UNC5D: variants seen among roughly 807,000 people sequenced by gnomAD.
The protein encoded by UNC5D is netrin receptor UNC5D.
Under a neutral mutation model 105.4 loss-of-function variants are expected in UNC5D, and 39 were observed. The ratio of observed to expected loss-of-function variants is 0.37; its 90% CI spans 0.29 to 0.48. The LOEUF is 0.48. Ranked by LOEUF, UNC5D falls within the 20% of genes least tolerant of loss-of-function variation. UNC5D has a pLI of 0.98. For synonymous variants in UNC5D, 452 were observed against 450.4 expected (o/e 1.00, Z -0.04); for missense variants, 991 against 1,202.4 (o/e 0.82, Z 2.60).
At position 35,701,595 on chromosome 8, in the gene UNC5D, T is replaced by A. The variant is rs1249810508; in HGVS notation, c.1085-4334T>A. Among the ~76,000 whole-genome samples, 4 of 152,214 alleles carry A rather than the reference T, an allele frequency of 2.6e-5. No individual in the cohort carries two copies. In the East Asian group the frequency reaches 7.7e-4, roughly 29 times the overall value. ...AAAAGAAATGAATCATCACCAAAAA[T>A]AAAAGGTAGATTGTTCTCTTTCTCC... On this transcript the variant is annotated intron_variant, in intron 7 of 16. Transcript: ENST00000404895.
At chr8:35,313,864 A>G (rs1809081900) in intron 1 of UNC5D, among the ~76,000 whole-genome samples, 1 of 152,216 alleles carries the variant, frequency 6.6e-6, no homozygotes. Flanking sequence ...TGTGTGACAC[A>G]TGGTAAGTGC....
At position 35,549,501 on chromosome 8, in the gene UNC5D, G is replaced by A. The variant is rs777805217; in HGVS notation, c.313G>A (p.Glu105Lys). 9 of 1,611,616 alleles carry A rather than the reference G, an allele frequency of 5.6e-6. No individual in the cohort carries two copies. The highest frequency in any genetic ancestry group is 4.5e-5 in the East Asian group (2 of 44,876). The change falls in exon 2 of 17, where the codon GAG becomes AAG. Residue 105 changes from glutamate to lysine, a missense_variant. This residue lies in a region of UNC5D where 944 missense variants were observed against 1,131.6 expected (regional missense o/e 0.83). Coordinates refer to ENST00000404895, the MANE Select transcript of UNC5D (RefSeq NM_080872.4). Reference protein sequence around the residue: ...NEHVSEETLDESSGLKVREVF... With the variant: ...NEHVSEETLDKSSGLKVREVF... ...GCACGTCTCTGAAGAGACTCTGGACGAGAGCTCAGGTAGGAGCGTGCAGCA... is the reference window on the plus strand; with the variant it reads ...GCACGTCTCTGAAGAGACTCTGGACAAGAGCTCAGGTAGGAGCGTGCAGCA...
chr8:35,496,474 A>AT (rs1350977009), intron 1 of UNC5D, among the ~76,000 whole-genome samples: 2 of 152,198 alleles, frequency 1.3e-5, no homozygotes, highest in African/African-American at 4.8e-5. Context: ...GCTAATTTAC[A>AT]TTAAAGTGGA....
At chr8:35,350,258 G>T (rs968778853) in intron 1 of UNC5D, among the ~76,000 whole-genome samples, 4 of 151,766 alleles carry the variant, frequency 2.6e-5, no homozygotes, top group Admixed American at 2.6e-4. Flanking sequence ...ACTTAAGCAT[G>T]GATAAACAAA....
chr8:35,393,967 TC>T (rs2128943545), intron 1 of UNC5D, among the ~76,000 whole-genome samples: 1 of 152,298 alleles, frequency 6.6e-6, no homozygotes, highest in East Asian at 1.9e-4. Flanking sequence ...TTCTTCCCTT[TC>T]TTCTCCTTCT....
At chr8:35,724,085 G>A (rs1037117156) in intron 9 of UNC5D, 16 of 1,355,186 alleles carry the variant, frequency 1.2e-5, no homozygotes, top group Middle Eastern at 2.8e-4. Flanking sequence ...AGCGTGTTCC[G>A]TGGAGCACCA....
At chr8:35,785,171 C>A (rs117101760) in intron 16 of UNC5D, among the ~76,000 whole-genome samples, 1 of 151,982 alleles carries the variant, frequency 6.6e-6, no homozygotes, top group Non-Finnish European at 1.5e-5. Flanking sequence ...ATTTACCTGC[C>A]GGTGCCCAAA....
Position 35,658,859 on chromosome 8 carries a change from G to A in UNC5D, c.571-24688G>A, listed in dbSNP as rs564686063. ...TTTAGTAGAGACGGGGTTTCACCGT[G>A]TTAGCCAGGATGGTCTTCATCTCCT... On this transcript the variant is annotated intron_variant, in intron 4 of 16. Transcript: ENST00000404895. Among the ~76,000 whole-genome samples the A allele has an allele frequency of 9.7e-4, 148 of 152,218 alleles. 2 individuals are homozygous for A. Among genetic ancestry groups the A allele is most frequent in the South Asian group, 3.1e-3 (15 of 4,822 alleles).
intron 1 of UNC5D, among the ~76,000 whole-genome samples, chr8:35,329,821 TTTG>T (rs1421385476): frequency 6.6e-6 from 1 of 152,156 alleles, no homozygotes; most frequent in Non-Finnish European, 1.5e-5. Context: ...TCTATTATTA[TTTG>T]TTGTTTCTCT....
chr8:35,410,829 G>C (rs935800486), intron 1 of UNC5D, among the ~76,000 whole-genome samples: 2 of 152,048 alleles, frequency 1.3e-5, no homozygotes, highest in Non-Finnish European at 2.9e-5. Flanking sequence ...TTAGGACAAA[G>C]CTCCAAATGA....
At chr8:35,299,843 A>G (rs1216062868) in intron 1 of UNC5D, among the ~76,000 whole-genome samples, 1 of 152,214 alleles carries the variant, frequency 6.6e-6, no homozygotes, top group African/African-American at 2.4e-5. Flanking sequence ...CAACTGTAAA[A>G]TAGAGTGAGG....
chr8:35,249,231 T>A (rs1803512246), intron 1 of UNC5D, among the ~76,000 whole-genome samples: 1 of 147,628 alleles, frequency 6.8e-6, no homozygotes, highest in Non-Finnish European at 1.5e-5. Flanking sequence ...AGCCATAAAT[T>A]TACATCCAAA....
chr8:35,774,179 C>T, intron 15 of UNC5D, 120 bp from the exon 16 acceptor site: 1 of 1,050,754 alleles, frequency 9.5e-7, no homozygotes, highest in Middle Eastern at 2.3e-4. Flanking sequence ...TTATAGAGTC[C>T]ATCACAACAG....
intron 4 of UNC5D, among the ~76,000 whole-genome samples, chr8:35,638,659 A>T (rs1822529126): frequency 6.6e-6 from 1 of 152,064 alleles, no homozygotes; most frequent in African/African-American, 2.4e-5. Context: ...AGAGTGTATG[A>T]TGACATGCAC....
At chr8:35,406,455 C>A (rs1270731602) in intron 1 of UNC5D, among the ~76,000 whole-genome samples, 1 of 152,116 alleles carries the variant, frequency 6.6e-6, no homozygotes, top group Non-Finnish European at 1.5e-5. Context: ...CATGATTAAA[C>A]TTAGCTACCT....
At chr8:35,626,901 G>A (rs1235520442) in intron 4 of UNC5D, among the ~76,000 whole-genome samples, 1 of 151,800 alleles carries the variant, frequency 6.6e-6, no homozygotes, top group East Asian at 1.9e-4. Flanking sequence ...CTAAAAATCT[G>A]TAGACTGGCT....
chr8:35,241,555 A>C (rs1475464989), intron 1 of UNC5D, among the ~76,000 whole-genome samples: 5 of 152,208 alleles, frequency 3.3e-5, no homozygotes, highest in African/African-American at 1.2e-4. Flanking sequence ...GCCACTATAG[A>C]GCATAAAATA....
At chr8:35,658,001 A>C (rs766797543) in intron 4 of UNC5D, among the ~76,000 whole-genome samples, 7 of 152,210 alleles carry the variant, frequency 4.6e-5, no homozygotes, top group Non-Finnish European at 8.8e-5. Context: ...ACCGCCAAAG[A>C]CATAATGACT....
At chr8:35,595,718 G>A (rs1819450040) in intron 4 of UNC5D, 61 bp downstream of exon 4, 8 of 1,486,192 alleles carry the variant, frequency 5.4e-6, no homozygotes, top group Middle Eastern at 1.7e-4. Flanking sequence ...AAGAGGGAGG[G>A]CGGAGTCCTG....
Sources: gnomAD v4.1 joint callset for allele counts (sites outside exome capture counted in the v4.1 genomes callset) on GRCh38, gnomAD v4.1.1 for gene constraint, gnomAD v4.1.1 regional missense constraint, MANE v1.5 for transcripts, NCBI Gene and HGNC (gene_info 2026-07-23, HGNC 2026-07-21) for gene names.